The following DOCK2 variants were observed in gnomAD, a reference collection of about 807,000 sequenced individuals.
The protein encoded by DOCK2 is dedicator of cytokinesis protein 2.
DOCK2 carries 87 observed loss-of-function variants against 248.9 expected under a neutral mutation model. The ratio of observed to expected loss-of-function variants is 0.35; its 90% CI spans 0.29 to 0.42. The LOEUF (loss-of-function observed/expected upper bound fraction) is 0.42. Among genes scored for constraint, DOCK2 ranks in the 10% least tolerant of loss-of-function variants. The pLI is 1.00. For synonymous variants in DOCK2, 805 were observed against 821.6 expected, an observed-to-expected ratio of 0.98 and a Z score of 0.35; for missense variants, 1,747 against 2,300.2, an observed-to-expected ratio of 0.76 and a Z score of 4.92.
At chr5:169,853,108 TA>T (rs1770699271) in intron 27 of DOCK2, among the ~76,000 whole-genome samples, 1 of 152,224 alleles carries the variant, frequency 6.6e-6, no homozygotes, top group Non-Finnish European at 1.5e-5. Context: ...CTGATGGCTT[TA>T]AAAAGGGGAG....
At chr5:170,043,205 C>G (rs1423717331) in intron 38 of DOCK2, among the ~76,000 whole-genome samples, 1 of 152,200 alleles carries the variant, frequency 6.6e-6, no homozygotes, top group Non-Finnish European at 1.5e-5. Context: ...ATCTGCAATC[C>G]TTGCTCCTCT....
At chr5:169,894,406 T>A (rs1773472810) in intron 27 of DOCK2, among the ~76,000 whole-genome samples, 1 of 152,128 alleles carries the variant, frequency 6.6e-6, no homozygotes, top group African/African-American at 2.4e-5. Flanking sequence ...CTGACATAGA[T>A]ACACATTGCA....
At chr5:169,797,744 T>C (rs1218777167) in intron 25 of DOCK2, among the ~76,000 whole-genome samples, 3 of 152,238 alleles carry the variant, frequency 2.0e-5, no homozygotes, top group Admixed American at 2.0e-4. Flanking sequence ...TGACATTCAT[T>C]ACCTCTGCCT....
chr5:169,708,568 C>CTT (rs35842616), intron 15 of DOCK2, among the ~76,000 whole-genome samples: 20,277 of 144,194 alleles, frequency 0.14, 2,624 homozygotes, highest in Admixed American at 0.29. Flanking sequence ...TAGCATTCTT[C>CTT]TTTTTTTTTT....
chr5:169,944,272 C>T (rs1776360926), intron 27 of DOCK2, among the ~76,000 whole-genome samples: 1 of 152,206 alleles, frequency 6.6e-6, no homozygotes, highest in African/African-American at 2.4e-5. Context: ...CCTGCCCATG[C>T]ACAGAGGTGT....
chr5:169,663,054 G>C (rs1013537545), intron 2 of DOCK2, among the ~76,000 whole-genome samples: 1 of 152,170 alleles, frequency 6.6e-6, no homozygotes, highest in Non-Finnish European at 1.5e-5. Context: ...AGATACAATG[G>C]GGGTACAAGC....
intron 1 of DOCK2, among the ~76,000 whole-genome samples, chr5:169,647,345 G>A (rs1278739313): frequency 2.0e-5 from 3 of 151,762 alleles, no homozygotes; most frequent in Admixed American, 1.3e-4. Flanking sequence ...TGGATGCATG[G>A]ATGGGTGGGT....
chr5:169,905,297 T>G (rs1774215668), intron 27 of DOCK2, among the ~76,000 whole-genome samples: 1 of 150,888 alleles, frequency 6.6e-6, no homozygotes, highest in East Asian at 2.0e-4. Context: ...GCCAGTGTTT[T>G]TTTTTTTTTT....
intron 25 of DOCK2, among the ~76,000 whole-genome samples, chr5:169,799,047 C>T (rs915204993): frequency 3.3e-5 from 5 of 152,292 alleles, no homozygotes; most frequent in South Asian, 2.1e-4. Flanking sequence ...AATCCAAATA[C>T]GTTATGTCAG....
At chr5:169,696,999 C>G (rs1760671538) in intron 10 of DOCK2, among the ~76,000 whole-genome samples, 2 of 152,104 alleles carry the variant, frequency 1.3e-5, no homozygotes, top group Admixed American at 6.5e-5. Context: ...GGGGGCATTT[C>G]TGACATCATG....
At chr5:169,810,518 A>C (rs1767672899) in intron 26 of DOCK2, among the ~76,000 whole-genome samples, 1 of 152,220 alleles carries the variant, frequency 6.6e-6, no homozygotes, top group Non-Finnish European at 1.5e-5. Flanking sequence ...ATTGTAAGGT[A>C]GCTTGAGTAG....
intron 27 of DOCK2, among the ~76,000 whole-genome samples, chr5:169,851,837 G>A (rs261081): frequency 0.2 from 30,306 of 152,034 alleles, 4,445 homozygotes; most frequent in African/African-American, 0.42. Flanking sequence ...TCACTCACTA[G>A]CATGAGAACA....
chr5:169,791,464 A>T (rs975045264), intron 25 of DOCK2, among the ~76,000 whole-genome samples: 1 of 152,246 alleles, frequency 6.6e-6, no homozygotes, highest in African/African-American at 2.4e-5. Context: ...CTGGGACTGT[A>T]ACTTATAAAA....
chr5:170,050,219 G>C, intron 40 of DOCK2, 37 bp from the exon 41 acceptor site: 1 of 1,607,562 alleles, frequency 6.2e-7, no homozygotes, highest in Non-Finnish European at 8.5e-7. Context: ...TTCACACCTG[G>C]GTCCCCAAAT....
intron 26 of DOCK2, among the ~76,000 whole-genome samples, chr5:169,827,877 C>A (rs1439009907): frequency 6.6e-6 from 1 of 151,466 alleles, no homozygotes; most frequent in Non-Finnish European, 1.5e-5. Flanking sequence ...AACACACACA[C>A]ACACACACAT....
chr5:170,067,741 G>A, intron 45 of DOCK2, 55 bp downstream of exon 45: 1 of 1,584,816 alleles, frequency 6.3e-7, no homozygotes, highest in Non-Finnish European at 8.6e-7. Flanking sequence ...AGCAGTGGTG[G>A]GAGGACCCAG....
intron 27 of DOCK2, among the ~76,000 whole-genome samples, chr5:169,899,434 G>A (rs186082570): frequency 6.6e-6 from 1 of 152,260 alleles, no homozygotes; most frequent in East Asian, 1.9e-4. Flanking sequence ...CCTATAAATA[G>A]GATGGCAAGT....
intron 32 of DOCK2, among the ~76,000 whole-genome samples, chr5:170,012,955 C>T (rs1778723178): frequency 6.6e-6 from 1 of 152,002 alleles, no homozygotes; most frequent in African/African-American, 2.4e-5. Context: ...TAAGCGTCTA[C>T]AGAGTGCTCA....
In DOCK2 at chr5:169,926,950, C is replaced by T. The variant is rs192759749; in HGVS notation, c.2800-56118C>T. On this transcript the variant is annotated intron_variant, in intron 27 of 51. Transcript: ENST00000520908. ...AATAGGGAAGAACTAAAGCTTGGGG[C>T]AGAAATGAGGCTGGCTACTTTAGGT... 2.6e-5 allele frequency among the ~76,000 whole-genome samples: 4 copies of T among 152,276 alleles called. No homozygotes were observed. In the East Asian group the frequency reaches 7.7e-4, roughly 29 times the overall value.
Sources: allele counts gnomAD v4.1 joint callset (sites outside exome capture counted in the v4.1 genomes callset), GRCh38; gene constraint gnomAD v4.1.1; transcripts MANE v1.5; gene names NCBI Gene and HGNC (gene_info 2026-07-23, HGNC 2026-07-21).